GTF2IRD1: variants seen among roughly 807,000 people sequenced by gnomAD.
GTF2IRD1 encodes general transcription factor II-I repeat domain-containing protein 1.
Under a neutral mutation model 113.2 loss-of-function variants are expected in GTF2IRD1, and 26 were observed. The ratio of observed to expected loss-of-function variants is 0.23; its 90% CI spans 0.17 to 0.32. The LOEUF (loss-of-function observed/expected upper bound fraction) is 0.32. Ranked by LOEUF, GTF2IRD1 falls within the 10% of genes least tolerant of loss-of-function variation. GTF2IRD1 has a pLI of 1.00. For missense variants in GTF2IRD1, 864 were observed against 1,280.8 expected (o/e 0.67, Z 4.97); for synonymous variants, 484 against 529.1 (o/e 0.91, Z 1.17).
At chr7:74,480,104 A>C (rs573292436) in intron 1 of GTF2IRD1, among the ~76,000 whole-genome samples, 4 of 151,642 alleles carry the variant, frequency 2.6e-5, no homozygotes, top group African/African-American at 9.7e-5. Context: ...TTGTATACTC[A>C]TGTAACCATC....
In GTF2IRD1 at chr7:74,512,009, C is replaced by G. The variant is rs1391951613; in HGVS notation, c.124-821C>G. ...TCCTCCAACCATTGAATCCCCATAC[C>G]CAAGCCCAGTGGCACTGTGGAACTG... On this transcript the variant is annotated intron_variant, in intron 2 of 26. Transcript: ENST00000424337. The surrounding 1 kb of genome is among the most constrained non-coding windows in gnomAD (Gnocchi z 4.4). 6.6e-6 allele frequency among the ~76,000 whole-genome samples: 1 copy of G among 152,144 alleles called. No homozygotes were observed. Among genetic ancestry groups the G allele is most frequent in the Admixed American group, 6.5e-5 (1 of 15,280 alleles).
chr7:74,541,904 A>G (rs73135383), intron 14 of GTF2IRD1, among the ~76,000 whole-genome samples: 295 of 136,788 alleles, frequency 2.2e-3, no homozygotes, highest in Middle Eastern at 3.6e-3. Flanking sequence ...CTGCCTCAAA[A>G]TAACTAAATA....
intron 3 of GTF2IRD1, among the ~76,000 whole-genome samples, chr7:74,514,402 C>T (rs1420676381): frequency 6.6e-6 from 1 of 152,112 alleles, no homozygotes; most frequent in East Asian, 1.9e-4. Flanking sequence ...TCGTGTGGCA[C>T]CCCAGCCGCC....
chr7:74,504,925 C>G (rs1796226521), intron 1 of GTF2IRD1, among the ~76,000 whole-genome samples: 1 of 152,030 alleles, frequency 6.6e-6, no homozygotes, highest in Non-Finnish European at 1.5e-5. Flanking sequence ...CCAGGCCGGT[C>G]TCAAACTCCT....
chr7:74,542,881 G>C (rs188220189), intron 14 of GTF2IRD1, among the ~76,000 whole-genome samples: 1 of 152,352 alleles, frequency 6.6e-6, no homozygotes, highest in Admixed American at 6.5e-5. Context: ...CATCATTGCT[G>C]TTTGTTTCAC....
chr7:74,495,612 G>A (rs1795613018), intron 1 of GTF2IRD1, among the ~76,000 whole-genome samples: 2 of 152,318 alleles, frequency 1.3e-5, no homozygotes, highest in South Asian at 4.1e-4. Context: ...CCAGTGCATG[G>A]GGGCTCTGAC....
At chr7:74,491,167 G>A (rs1436709712) in intron 1 of GTF2IRD1, among the ~76,000 whole-genome samples, 2 of 151,950 alleles carry the variant, frequency 1.3e-5, no homozygotes, top group African/African-American at 4.8e-5. Context: ...TTAGATGGGC[G>A]TGGTGGCAGG....
intron 1 of GTF2IRD1, among the ~76,000 whole-genome samples, chr7:74,471,637 T>G (rs1037525788): frequency 8.9e-6 from 1 of 112,192 alleles, no homozygotes; most frequent in African/African-American, 3.5e-5. Flanking sequence ...CTGGGTAACA[T>G]AGCAAGACCC....
intron 25 of GTF2IRD1, among the ~76,000 whole-genome samples, chr7:74,597,482 A>G (rs1408398175): frequency 2.6e-5 from 4 of 151,044 alleles, no homozygotes; most frequent in African/African-American, 9.8e-5. Flanking sequence ...AGTAGCTGGG[A>G]CTTCAGGCAT....
intron 1 of GTF2IRD1, among the ~76,000 whole-genome samples, chr7:74,456,302 A>G (rs1419416863): frequency 1.3e-5 from 2 of 152,130 alleles, no homozygotes; most frequent in African/African-American, 4.8e-5. Flanking sequence ...CCTAAGCATG[A>G]CCTTGGAACC....
intron 1 of GTF2IRD1, among the ~76,000 whole-genome samples, chr7:74,496,651 G>A (rs374606887): frequency 6.7e-6 from 1 of 149,768 alleles, no homozygotes; most frequent in Non-Finnish European, 1.5e-5. Context: ...TGTGCGTGTG[G>A]GTGTGTGTGT....
intron 19 of GTF2IRD1, among the ~76,000 whole-genome samples, chr7:74,557,168 C>A (rs1272012923): frequency 6.6e-6 from 1 of 152,188 alleles, no homozygotes; most frequent in East Asian, 1.9e-4. Context: ...ATCGCCTGAG[C>A]CTGGGAGGTG....
chr7:74,493,892 T>A (rs190718659), intron 1 of GTF2IRD1, among the ~76,000 whole-genome samples: 24 of 152,218 alleles, frequency 1.6e-4, no homozygotes, highest in African/African-American at 5.1e-4. Context: ...CTGATTTTTT[T>A]ATTTTTTGTT....
chr7:74,493,520 C>G (rs1256654792), intron 1 of GTF2IRD1, among the ~76,000 whole-genome samples: 1 of 152,082 alleles, frequency 6.6e-6, no homozygotes, highest in Admixed American at 6.6e-5. Context: ...GTGATTTTGC[C>G]ATATAAGGTA....
At chr7:74,515,096 G>A (rs587738222) in intron 3 of GTF2IRD1, among the ~76,000 whole-genome samples, 2 of 151,022 alleles carry the variant, frequency 1.3e-5, no homozygotes, top group East Asian at 3.9e-4. Context: ...GACACAGATG[G>A]AACATTCATC....
intron 22 of GTF2IRD1, among the ~76,000 whole-genome samples, chr7:74,569,910 G>C (rs782380219): frequency 6.6e-6 from 1 of 152,152 alleles, no homozygotes; most frequent in Admixed American, 6.5e-5. Flanking sequence ...TGGCAGGCAG[G>C]CTGGGGGCCT....
rs1554345342 is a variant in GTF2IRD1 at position 74,519,416 on chromosome 7, G to C, written c.613G>C (p.Glu205Gln). Residue 205 changes from glutamate (E) to glutamine (Q), a missense_variant, in exon 6 of 27, where the codon GAG becomes CAG. Glu to Gln is a conservative substitution (Grantham distance 29). Coordinates refer to ENST00000424337, the MANE Select transcript of GTF2IRD1 (RefSeq NM_005685.4). ...RIRFKLKRPL[E>Q]DGGRDSKALV... ...GTCCTCTCCTTTACTCAGGCCACTT[G>C]AGGATGGCGGGCGGGACTCGAAGGC... is the stretch of plus-strand genomic sequence containing the variant. 2 of 1,526,392 alleles carry C rather than the reference G, an allele frequency of 1.3e-6. No homozygotes were observed. The highest frequency in any genetic ancestry group is 1.8e-6 in the Non-Finnish European group (2 of 1,137,014). 94.6% of individuals were successfully genotyped at this position (1,526,392 alleles called of 1,614,324 possible). A position where few individuals can be genotyped will look rare whatever the true frequency, so the allele number is the denominator to read the frequency against.
chr7:74,524,056 C>T lies in GTF2IRD1; in HGVS notation c.1007-15C>T, dbSNP rs1797448947. ...CGTGGGGCCCTGCTCACTTGTGCCT[C>T]CTGTGTTTTGATAGAGAAGTGGGAC... On this transcript the variant is annotated splice_polypyrimidine_tract_variant and intron_variant, in intron 7 of 26. Coordinates refer to ENST00000424337, the MANE Select transcript of GTF2IRD1 (RefSeq NM_005685.4). 2.5e-6 allele frequency: 4 copies of T among 1,592,346 alleles called. No homozygotes were observed. In the Admixed American group the frequency reaches 5.1e-5, roughly 20 times the overall value.
At chr7:74,590,784 A>G (rs1554369262) in intron 23 of GTF2IRD1, 41 bp from the exon 24 acceptor site, 3 of 1,397,294 alleles carry the variant, frequency 2.1e-6, no homozygotes, top group East Asian at 2.3e-5. Context: ...TGCCATTGAC[A>G]GGAGACATCT....
Sources: allele counts gnomAD v4.1 joint callset (sites outside exome capture counted in the v4.1 genomes callset), GRCh38; gene constraint gnomAD v4.1.1; non-coding constraint Gnocchi (gnomAD v3.1); transcripts MANE v1.5; gene names NCBI Gene and HGNC (gene_info 2026-07-23, HGNC 2026-07-21).